Variants in NR6A1 observed in about 807,000 individuals in gnomAD.
NR6A1 encodes the protein retinoic acid receptor-related testis-associated receptor.
A neutral mutation model predicts 59.1 loss-of-function variants in NR6A1; 7 were observed. That is an observed-to-expected ratio of 0.12 (90% CI 0.07 to 0.22). NR6A1 has a LOEUF of 0.22. Ranked by LOEUF, NR6A1 falls within the 10% of genes least tolerant of loss-of-function variation. NR6A1 has a pLI of 1.00. For synonymous variants in NR6A1, 243 were observed against 236.1 expected, an observed-to-expected ratio of 1.03 and a Z score of -0.27; for missense variants, 468 against 611.6, an observed-to-expected ratio of 0.77 and a Z score of 2.48.
chr9:124,648,820 A>G (rs933285072), intron 2 of NR6A1, among the ~76,000 whole-genome samples: 3 of 152,132 alleles, frequency 2.0e-5, no homozygotes, highest in Non-Finnish European at 4.4e-5. Flanking sequence ...ACAATAAGAA[A>G]ACAAAATCAG....
chr9:124,724,711 TAAG>T (rs1435407889), intron 2 of NR6A1, among the ~76,000 whole-genome samples: 2 of 152,214 alleles, frequency 1.3e-5, no homozygotes, highest in African/African-American at 4.8e-5. Context: ...AAATAGATAA[TAAG>T]AGACAAAAAG....
chr9:124,548,850 C>CA (rs1358533541), intron 3 of NR6A1, among the ~76,000 whole-genome samples: 2 of 152,136 alleles, frequency 1.3e-5, no homozygotes, highest in East Asian at 1.9e-4. Context: ...CACCCACCCC[C>CA]ACCACCCGCC....
In NR6A1 at chr9:124,580,826, T is replaced by A. The variant is rs181656664; in HGVS notation, c.143-26256A>T. Among the ~76,000 whole-genome samples, 646 of 151,430 alleles carry A rather than the reference T, an allele frequency of 4.3e-3. 2 individuals are homozygous for A. Among genetic ancestry groups the A allele is most frequent in the African/African-American group, 0.015 (608 of 41,316 alleles). Reference sequence around the variant, plus strand: ...CAGAGTGAGACTCCAACTCAAAAAATAATAATAATAATAATAATAAAGAAT... The same window carrying A: ...CAGAGTGAGACTCCAACTCAAAAAAAAATAATAATAATAATAATAAAGAAT... On this transcript the variant is annotated intron_variant, in intron 2 of 9. Transcript: ENST00000487099.
chr9:124,585,021 G>A (rs983113434), intron 2 of NR6A1, among the ~76,000 whole-genome samples: 3 of 152,178 alleles, frequency 2.0e-5, no homozygotes, highest in African/African-American at 7.2e-5. Context: ...TTGCTAACAT[G>A]GACAAAGTTT....
At chr9:124,650,113 G>A (rs533842282) in intron 2 of NR6A1, among the ~76,000 whole-genome samples, 48 of 152,208 alleles carry the variant, frequency 3.2e-4, no homozygotes, top group African/African-American at 1.1e-3. Context: ...AAGGAAATCC[G>A]TATATCAAAG....
intron 3 of NR6A1, among the ~76,000 whole-genome samples, chr9:124,545,961 C>A (rs1417763411): frequency 6.6e-6 from 1 of 152,024 alleles, no homozygotes. Flanking sequence ...ACTAAAAATT[C>A]AAAATTAGCC....
intron 1 of NR6A1, among the ~76,000 whole-genome samples, chr9:124,751,887 CT>C (rs1268446095): frequency 6.6e-6 from 1 of 152,134 alleles, no homozygotes; most frequent in Non-Finnish European, 1.5e-5. Flanking sequence ...GAATTTTTTT[CT>C]TTTAGTAACT....
At chr9:124,531,553 C>T (rs567738181) in intron 7 of NR6A1, among the ~76,000 whole-genome samples, 5 of 152,256 alleles carry the variant, frequency 3.3e-5, no homozygotes, top group Admixed American at 2.6e-4. Context: ...ACAGACTCCA[C>T]AGCCTGGGTT....
At chr9:124,603,096 G>A (rs1588702456) in intron 2 of NR6A1, among the ~76,000 whole-genome samples, 1 of 151,988 alleles carries the variant, frequency 6.6e-6, no homozygotes, top group Admixed American at 6.6e-5. Context: ...AAGTCAAATC[G>A]CACCCTTCTT....
chr9:124,756,464 AATTTT>A (rs1392216114), intron 1 of NR6A1, among the ~76,000 whole-genome samples: 4 of 152,264 alleles, frequency 2.6e-5, no homozygotes, highest in Non-Finnish European at 4.4e-5. Context: ...AAGACTACTT[AATTTT>A]AATTTCAGCA....
intron 2 of NR6A1, among the ~76,000 whole-genome samples, chr9:124,638,107 A>AGC (rs954988971): frequency 2.0e-5 from 3 of 151,768 alleles, no homozygotes; most frequent in African/African-American, 7.3e-5. Flanking sequence ...TTTAAAAATT[A>AGC]GCTGGGTGTG....
chr9:124,562,264 CT>C (rs1429195638), intron 2 of NR6A1, among the ~76,000 whole-genome samples: 1 of 152,146 alleles, frequency 6.6e-6, no homozygotes, highest in Non-Finnish European at 1.5e-5. Flanking sequence ...TGTTTTACCC[CT>C]TTGTATGTAA....
intron 2 of NR6A1, chr9:124,692,321 G>C (rs1838577469): frequency 6.5e-6 from 2 of 306,290 alleles, no homozygotes; most frequent in South Asian, 6.5e-5. Context: ...GTTCTCTGCT[G>C]CACACAAATT....
chr9:124,766,137 C>A (rs536820153), intron 1 of NR6A1, among the ~76,000 whole-genome samples: 139 of 152,098 alleles, frequency 9.1e-4, no homozygotes, highest in African/African-American at 3.0e-3. Context: ...AAGCTCAATA[C>A]CCAAGAAAGA....
In NR6A1 at chr9:124,714,422, AAAAG is replaced by A; in HGVS notation, c.142+18882_142+18885del. Among the ~76,000 whole-genome samples the A allele has an allele frequency of 1.3e-5, 2 of 152,216 alleles. 1 individual carries two copies. The highest frequency in any genetic ancestry group is 2.9e-5 in the Non-Finnish European group (2 of 68,036). On this transcript the variant is annotated intron_variant, in intron 2 of 9. Transcript: ENST00000487099. ...ATATTTTACCAGAACTCTACAAAAT[AAAAG>A]AAAGCCCAATAGAGGTGTCATCATA...
At chr9:124,641,409 T>C (rs1464075408) in intron 2 of NR6A1, among the ~76,000 whole-genome samples, 3 of 150,726 alleles carry the variant, frequency 2.0e-5, no homozygotes, top group Non-Finnish European at 4.4e-5. Flanking sequence ...GTTAGGAACT[T>C]TGAAAAGAAG....
intron 1 of NR6A1, among the ~76,000 whole-genome samples, chr9:124,756,944 T>C (rs1047662383): frequency 3.4e-5 from 5 of 149,002 alleles, no homozygotes; most frequent in Admixed American, 2.7e-4. Context: ...AGACTGGAGA[T>C]GCTAGGATGA....
At chr9:124,649,298 T>A (rs10818983) in intron 2 of NR6A1, among the ~76,000 whole-genome samples, 72,403 of 142,178 alleles carry the variant, frequency 0.51, 17,747 homozygotes, top group Admixed American at 0.61. Context: ...CCAGAATAAA[T>A]CCACACATTT....
At chr9:124,680,090 A>ATATG (rs765686694) in intron 2 of NR6A1, among the ~76,000 whole-genome samples, 2 of 143,242 alleles carry the variant, frequency 1.4e-5, no homozygotes, top group African/African-American at 5.1e-5. Flanking sequence ...GTGTGTATGT[A>ATATG]TGTGTGTGTG....
Sources: gnomAD v4.1 joint callset for allele counts (sites outside exome capture counted in the v4.1 genomes callset) on GRCh38, gnomAD v4.1.1 for gene constraint, MANE v1.5 for transcripts, NCBI Gene and HGNC (gene_info 2026-07-23, HGNC 2026-07-21) for gene names.